Variants in DRC8 observed in about 807,000 individuals in gnomAD.
DRC8 encodes the protein dynein regulatory complex protein 8.
At chr1:245,034,747 A>G in the DRC8 span, among the ~76,000 whole-genome samples, 1 of 152,036 alleles carries the variant, frequency 6.6e-6, no homozygotes, top group Non-Finnish European at 1.5e-5. Flanking sequence ...CAACTCAAAA[A>G]AGCTAGGGAA....
the DRC8 span, among the ~76,000 whole-genome samples, chr1:245,104,306 A>G: frequency 6.6e-6 from 1 of 152,014 alleles, no homozygotes; most frequent in Non-Finnish European, 1.5e-5. Context: ...GAGTTTGAGA[A>G]CAGCCTGACC....
the DRC8 span, among the ~76,000 whole-genome samples, chr1:245,055,929 G>A: frequency 6.6e-6 from 1 of 152,196 alleles, no homozygotes; most frequent in Non-Finnish European, 1.5e-5. Context: ...GGGTCTTGCT[G>A]TGCTGCCCAG....
the DRC8 span, among the ~76,000 whole-genome samples, chr1:245,088,046 C>T: frequency 6.6e-5 from 10 of 152,190 alleles, no homozygotes; most frequent in South Asian, 2.1e-4. This position sits in a 1 kb window ranked among gnomAD's most constrained non-coding sequence, Gnocchi z 4.6. Context: ...TCACCCACTC[C>T]GCATATCTGT....
chr1:245,086,433 C>T, the DRC8 span, among the ~76,000 whole-genome samples: 1 of 152,174 alleles, frequency 6.6e-6, no homozygotes, highest in Non-Finnish European at 1.5e-5. Flanking sequence ...TGGATTCAAG[C>T]TACTTGCACA....
the DRC8 span, among the ~76,000 whole-genome samples, chr1:245,019,897 G>GGAGATTGCAGTGAGCT: frequency 6.6e-6 from 1 of 152,206 alleles, no homozygotes; most frequent in Non-Finnish European, 1.5e-5. Flanking sequence ...CCCAGGAGGT[G>GGAGATTGCAGTGAGCT]GAGATTGCAG....
chr1:245,047,774 C>G, the DRC8 span, among the ~76,000 whole-genome samples: 3 of 151,982 alleles, frequency 2.0e-5, no homozygotes, highest in African/African-American at 7.2e-5. Flanking sequence ...GAGTTTGAGA[C>G]TAGCTTGGCC....
At chr1:244,974,051 T>C in the DRC8 span, among the ~76,000 whole-genome samples, 1 of 152,238 alleles carries the variant, frequency 6.6e-6, no homozygotes, top group African/African-American at 2.4e-5. Context: ...AACCACTTTT[T>C]TAACTGAAAG....
the DRC8 span, among the ~76,000 whole-genome samples, chr1:245,108,800 C>T: frequency 2.6e-5 from 4 of 152,284 alleles, no homozygotes; most frequent in East Asian, 7.7e-4. Flanking sequence ...ATGATTCCAG[C>T]CCTCATCCCC....
the DRC8 span, among the ~76,000 whole-genome samples, chr1:245,062,730 C>A: frequency 2.0e-5 from 3 of 152,312 alleles, no homozygotes; most frequent in Middle Eastern, 3.4e-3. Flanking sequence ...CCATCCTTGC[C>A]CTTTTTTGGT....
At chr1:245,010,241 A>G in the DRC8 span, among the ~76,000 whole-genome samples, 2 of 152,220 alleles carry the variant, frequency 1.3e-5, no homozygotes, top group African/African-American at 4.8e-5. Context: ...GCATGGAAGT[A>G]GCCCATAGTA....
At chr1:245,038,817 TAACTC>T in the DRC8 span, among the ~76,000 whole-genome samples, 41 of 151,728 alleles carry the variant, frequency 2.7e-4, no homozygotes, top group African/African-American at 8.9e-4. Context: ...GTAGGAAAAA[TAACTC>T]AAAACAAAAG....
the DRC8 span, chr1:245,083,635 C>A: frequency 9.3e-6 from 15 of 1,609,634 alleles, no homozygotes; most frequent in Non-Finnish European, 1.3e-5. Context: ...TTAGATTCAG[C>A]TAAACGTGGG....
chr1:245,058,445 C>A, the DRC8 span, among the ~76,000 whole-genome samples: 1 of 152,128 alleles, frequency 6.6e-6, no homozygotes, highest in Non-Finnish European at 1.5e-5. Flanking sequence ...GATACTTATT[C>A]TGCAACCTCT....
At chr1:245,115,197 G>A in the DRC8 span, among the ~76,000 whole-genome samples, 1 of 151,970 alleles carries the variant, frequency 6.6e-6, no homozygotes, top group Non-Finnish European at 1.5e-5. Flanking sequence ...CTATAGGCAC[G>A]CCACTTCACC....
the DRC8 span, chr1:245,044,078 A>G: frequency 6.6e-6 from 1 of 152,228 alleles, no homozygotes; most frequent in South Asian, 2.1e-4. Flanking sequence ...TTTATTAACA[A>G]TGACAAAAAG....
chr1:245,060,144 A>G, the DRC8 span, among the ~76,000 whole-genome samples: 1 of 152,210 alleles, frequency 6.6e-6, no homozygotes, highest in Non-Finnish European at 1.5e-5. Flanking sequence ...GGCAAAGGGG[A>G]TAACAGGAGA....
At chr1:245,093,169 G>T in the DRC8 span, among the ~76,000 whole-genome samples, 5 of 151,972 alleles carry the variant, frequency 3.3e-5, no homozygotes, top group Non-Finnish European at 4.4e-5. Flanking sequence ...GAGAACGTGC[G>T]CATACCTGGG....
chr1:245,034,714 A>C, the DRC8 span, among the ~76,000 whole-genome samples: 1 of 152,000 alleles, frequency 6.6e-6, no homozygotes, highest in African/African-American at 2.4e-5. Context: ...AAATGAAAGC[A>C]TGAAGAAAAT....
chr1:245,103,142 C>A, the DRC8 span, among the ~76,000 whole-genome samples: 1 of 142,600 alleles, frequency 7.0e-6, no homozygotes, highest in Non-Finnish European at 1.5e-5. Context: ...TATTTCAGTC[C>A]TCCACCCTGT....
Sources: allele counts gnomAD v4.1 joint callset (sites outside exome capture counted in the v4.1 genomes callset), GRCh38; gene constraint gnomAD v4.1.1; non-coding constraint Gnocchi (gnomAD v3.1); transcripts MANE v1.5; gene names NCBI Gene and HGNC (gene_info 2026-07-23, HGNC 2026-07-21).